The following PTPRQ variants were observed in gnomAD, a reference collection of about 807,000 sequenced individuals.
PTPRQ encodes the protein phosphatidylinositol phosphatase PTPRQ.
In PTPRQ, 199 loss-of-function variants were observed where a neutral mutation model predicts 246.0. The observed-to-expected ratio is 0.81, with a 90% CI of 0.72 to 0.91. The LOEUF is 0.91. Among genes scored for constraint, PTPRQ ranks in the 40% least tolerant of loss-of-function variants. PTPRQ has a pLI of 0.00. For missense variants in PTPRQ, 2,624 were observed against 2,528.4 expected, an observed-to-expected ratio of 1.04 and a Z score of -0.81; for synonymous variants, 869 against 853.2, an observed-to-expected ratio of 1.02 and a Z score of -0.32.
intron 33 of PTPRQ, among the ~76,000 whole-genome samples, chr12:80,631,215 CAG>C (rs1167303790): frequency 2.0e-5 from 3 of 151,954 alleles, no homozygotes; most frequent in African/African-American, 7.3e-5. Flanking sequence ...TAGTTATAGC[CAG>C]AGTTTACAAA....
intron 25 of PTPRQ, among the ~76,000 whole-genome samples, chr12:80,567,339 T>C (rs1255613446): frequency 6.6e-6 from 1 of 152,234 alleles, no homozygotes; most frequent in Non-Finnish European, 1.5e-5. Flanking sequence ...GAAAGCTTTT[T>C]TCATGCTTTT....
chr12:80,448,351 C>T (rs1209840468), intron 3 of PTPRQ, among the ~76,000 whole-genome samples: 2 of 151,908 alleles, frequency 1.3e-5, no homozygotes, highest in Non-Finnish European at 2.9e-5. Flanking sequence ...AGATAGTATG[C>T]TTCCTGTTTT....
intron 7 of PTPRQ, among the ~76,000 whole-genome samples, chr12:80,470,951 C>T (rs997920670): frequency 1.3e-5 from 2 of 152,074 alleles, no homozygotes; most frequent in African/African-American, 4.8e-5. Flanking sequence ...TTCTGAAAAA[C>T]TAGATTATTT....
chr12:80,509,616 A>G (rs1895066023), intron 16 of PTPRQ, among the ~76,000 whole-genome samples: 1 of 152,148 alleles, frequency 6.6e-6, no homozygotes, highest in Non-Finnish European at 1.5e-5. Context: ...AAATGGAAAT[A>G]TAAAGTTGGC....
At chr12:80,545,970 G>A (rs1005511007) in intron 23 of PTPRQ, among the ~76,000 whole-genome samples, 10 of 151,936 alleles carry the variant, frequency 6.6e-5, no homozygotes, top group East Asian at 1.9e-4. Context: ...TAAAAAAAAT[G>A]AGTATATAAT....
intron 8 of PTPRQ, among the ~76,000 whole-genome samples, chr12:80,477,789 G>T (rs1164409039): frequency 2.0e-5 from 3 of 152,160 alleles, no homozygotes; most frequent in African/African-American, 7.2e-5. Context: ...GGAAAATCGG[G>T]TCACTCCGAC....
intron 8 of PTPRQ, among the ~76,000 whole-genome samples, chr12:80,472,856 G>A (rs1893684590): frequency 6.6e-6 from 1 of 151,964 alleles, no homozygotes; most frequent in Non-Finnish European, 1.5e-5. Context: ...ATATCTTTCA[G>A]GCCCACACTG....
intron 25 of PTPRQ, among the ~76,000 whole-genome samples, chr12:80,560,675 C>T (rs1208418334): frequency 6.6e-6 from 1 of 152,188 alleles, no homozygotes; most frequent in Non-Finnish European, 1.5e-5. Flanking sequence ...TACTCTTACA[C>T]ATAACATCTT....
intron 6 of PTPRQ, among the ~76,000 whole-genome samples, chr12:80,463,769 G>A (rs569168466): frequency 0.027 from 4,077 of 151,090 alleles, 193 homozygotes; most frequent in African/African-American, 0.095. Context: ...GCCAAACTAA[G>A]CTTCATAAGT....
chr12:80,525,368 A>G (rs1895650292), intron 17 of PTPRQ, among the ~76,000 whole-genome samples: 1 of 152,310 alleles, frequency 6.6e-6, no homozygotes, highest in East Asian at 1.9e-4. Flanking sequence ...TAATGTTATC[A>G]GGTGTGGTTA....
intron 35 of PTPRQ, among the ~76,000 whole-genome samples, chr12:80,646,172 C>T (rs1331143468): frequency 6.6e-6 from 1 of 152,022 alleles, no homozygotes; most frequent in African/African-American, 2.4e-5. Context: ...ACTAAATTAG[C>T]AATAGTAATT....
intron 34 of PTPRQ, chr12:80,634,696 C>T (rs1002071566): frequency 1.8e-5 from 7 of 393,996 alleles, no homozygotes; most frequent in Middle Eastern, 7.5e-4. Context: ...AGGCCTTCGT[C>T]AACTAATTCT....
At position 80,649,620 on chromosome 12, in the gene PTPRQ, T is replaced by G; in HGVS notation, c.5975T>G (p.Val1992Gly). The change falls in exon 37 of 45, where the codon GTT (valine) becomes GGT (glycine). Residue 1992 changes from valine to glycine, a missense_variant. Val to Gly is a moderately radical substitution (Grantham distance 109, BLOSUM62 -3). Coordinates refer to ENST00000644991, the MANE Select transcript of PTPRQ (RefSeq NM_001145026.2). ...PISKKSFLQH[V>G]EELCTNNNLK... ...AGCAAGAAATCCTTCCTGCAACATG[T>G]TGAAGAGCTTTGCACAAACAACAAC... 2 of 1,549,984 alleles carry G rather than the reference T, an allele frequency of 1.3e-6. No homozygotes were observed. Among genetic ancestry groups the G allele is most frequent in the Non-Finnish European group, 1.7e-6 (2 of 1,145,904 alleles).
intron 25 of PTPRQ, among the ~76,000 whole-genome samples, chr12:80,559,137 C>T (rs577859685): frequency 2.1e-4 from 32 of 152,222 alleles, no homozygotes; most frequent in Non-Finnish European, 3.4e-4. Context: ...CTCCGCCTCC[C>T]GGGTTCAAGC....
chr12:80,570,150 A>C (rs1362031403), intron 25 of PTPRQ, among the ~76,000 whole-genome samples: 3 of 152,202 alleles, frequency 2.0e-5, no homozygotes, highest in African/African-American at 7.2e-5. Context: ...TCCTTGAGGA[A>C]TCACCACACT....
At chr12:80,489,414 A>G (rs1894376765) in intron 9 of PTPRQ, among the ~76,000 whole-genome samples, 1 of 152,014 alleles carries the variant, frequency 6.6e-6, no homozygotes, top group Non-Finnish European at 1.5e-5. Flanking sequence ...AAAGTATTTA[A>G]CACTCTGTAA....
rs1895920743 is a variant in PTPRQ at position 80,534,151 on chromosome 12, A to G, written c.2815A>G (p.Ile939Val). Residue 939 changes from isoleucine to valine, a missense_variant, in exon 18 of 45, where the codon ATT becomes GTT. Transcript: ENST00000644991. Reference protein sequence around the residue: ...FGDGKTRSNIISFQTPEGAPS... With the variant: ...FGDGKTRSNIVSFQTPEGAPS... ...TGATGGGAAAACAAGAAGCAATATC[A>G]TTAGCTTTCAAACACCAGAGGGAGG... 13 of 1,540,064 alleles carry G rather than the reference A, an allele frequency of 8.4e-6. No homozygotes were observed. The highest frequency in any genetic ancestry group is 8.8e-6 in the Non-Finnish European group (10 of 1,141,694).
At chr12:80,659,874 CGGATTTCTATATTGGGGCT>C (rs1365262638) in intron 39 of PTPRQ, among the ~76,000 whole-genome samples, 6 of 151,904 alleles carry the variant, frequency 3.9e-5, no homozygotes, top group African/African-American at 1.4e-4. Context: ...TACAAGAAGG[CGGATTTCTATATTGGGGCT>C]GGCAGTGTAC....
At position 80,679,874 on chromosome 12, in the gene PTPRQ, A is replaced by T. The variant is rs1901260001; in HGVS notation, c.*851A>T. The T allele has an allele frequency of 6.6e-6, 1 of 151,944 alleles. No individual in the cohort carries two copies. Among genetic ancestry groups the T allele is most frequent in the Non-Finnish European group, 1.5e-5 (1 of 67,922 alleles). The allele number at this position is 151,944 out of a possible 1,614,324, so 9.4% of individuals were successfully genotyped here. Reference sequence around the variant, plus strand: ...TTCTTCAGCAAAAATGTATCAAAAGAGTAATAAAAACACTGTGCGTGTTTC... The same window carrying T: ...TTCTTCAGCAAAAATGTATCAAAAGTGTAATAAAAACACTGTGCGTGTTTC... On this transcript the variant is annotated 3_prime_UTR_variant, in exon 45 of 45. Coordinates refer to ENST00000644991, the MANE Select transcript of PTPRQ (RefSeq NM_001145026.2).
Sources: allele counts gnomAD v4.1 joint callset (sites outside exome capture counted in the v4.1 genomes callset), GRCh38; gene constraint gnomAD v4.1.1; transcripts MANE v1.5; gene names NCBI Gene and HGNC (gene_info 2026-07-23, HGNC 2026-07-21).